Variants in ADGRL2 observed in about 807,000 individuals in gnomAD.
ADGRL2 encodes the protein calcium-independent alpha-latrotoxin receptor 2.
Under a neutral mutation model 157.4 loss-of-function variants are expected in ADGRL2, and 44 were observed. That is an observed-to-expected ratio of 0.28 (90% CI 0.22 to 0.36). The LOEUF (loss-of-function observed/expected upper bound fraction) is 0.36, where lower values mean the gene tolerates loss of function less well. Ranked by LOEUF, ADGRL2 falls within the 10% of genes least tolerant of loss-of-function variation. The pLI is 1.00. For missense variants in ADGRL2, 1,510 were observed against 1,768.9 expected, an observed-to-expected ratio of 0.85 and a Z score of 2.63; for synonymous variants, 585 against 624.7, an observed-to-expected ratio of 0.94 and a Z score of 0.95.
At chr1:81,899,892 CTAG>C (rs1261147269) in intron 2 of ADGRL2, among the ~76,000 whole-genome samples, 2 of 152,144 alleles carry the variant, frequency 1.3e-5, no homozygotes, top group Non-Finnish European at 2.9e-5. Flanking sequence ...TTCCCCAAGA[CTAG>C]TAGCAGCCAG....
chr1:81,402,917 T>C (rs758692550), intron 1 of ADGRL2, among the ~76,000 whole-genome samples: 1 of 152,228 alleles, frequency 6.6e-6, no homozygotes, highest in Non-Finnish European at 1.5e-5. Context: ...CTGAACACCA[T>C]GCTAGGTGCC....
chr1:81,952,933 AT>A, intron 9 of ADGRL2, 53 bp from the exon 10 acceptor site: 2 of 1,400,546 alleles, frequency 1.4e-6, no homozygotes, highest in South Asian at 1.2e-5. Context: ...TTCTTTCCTC[AT>A]TTTCAGCAGA....
At position 81,947,139 on chromosome 1, in the gene ADGRL2, G is replaced by A. The variant is rs145983489; in HGVS notation, c.1211-3050G>A. ...TGCATGAGTGCATGATACGGCATCC[G>A]GATAAATAGAGCTCTATAAAAAAGG... is the stretch of plus-strand genomic sequence containing the variant. On this transcript the variant is annotated intron_variant, in intron 6 of 23. Coordinates refer to ENST00000686636, the MANE Select transcript of ADGRL2 (RefSeq NM_001366006.2). Among the ~76,000 whole-genome samples the A allele has an allele frequency of 8.5e-4, 129 of 152,110 alleles. 2 individuals carry two copies. The highest frequency in any genetic ancestry group is 3.0e-3 in the African/African-American group (123 of 41,494).
chr1:81,808,890 G>A lies in ADGRL2; in HGVS notation c.-101+7822G>A, dbSNP rs549763358. On this transcript the variant is annotated intron_variant, in intron 1 of 23. Transcript: ENST00000686636. ...AGCACAACCGCTACTCAAAGCCACC[G>A]GCTGTTTTTAGGTCATGAAGTCAAC... Among the ~76,000 whole-genome samples the A allele has an allele frequency of 3.9e-5, 6 of 152,126 alleles. No homozygotes were observed. The South Asian group carries it at 8.3e-4, about 21-fold the overall frequency.
At chr1:81,830,325 T>C (rs896825000) in intron 1 of ADGRL2, among the ~76,000 whole-genome samples, 1 of 152,132 alleles carries the variant, frequency 6.6e-6, no homozygotes, top group Non-Finnish European at 1.5e-5. Flanking sequence ...TACATGAAAG[T>C]ATAGTGCTAA....
intron 3 of ADGRL2, among the ~76,000 whole-genome samples, chr1:81,656,111 T>C (rs142709577): frequency 4.1e-4 from 62 of 152,324 alleles, no homozygotes; most frequent in Middle Eastern, 3.4e-3. Flanking sequence ...TATCTCCCAC[T>C]AGATCTCTAA....
At chr1:81,720,184 CTTTT>C (rs112579932) in intron 1 of ADGRL2, among the ~76,000 whole-genome samples, 1 of 122,044 alleles carries the variant, frequency 8.2e-6, no homozygotes. Flanking sequence ...TTTTTCTTTT[CTTTT>C]TTTTTTTTTT....
At chr1:81,945,577 T>G (rs1195929831) in intron 6 of ADGRL2, among the ~76,000 whole-genome samples, 1 of 152,126 alleles carries the variant, frequency 6.6e-6, no homozygotes, top group Non-Finnish European at 1.5e-5. Flanking sequence ...GTTAGTAATG[T>G]CATCCTCCAC....
chr1:81,842,353 C>CTTTTTTT (rs71085377), intron 2 of ADGRL2, among the ~76,000 whole-genome samples: 5 of 54,958 alleles, frequency 9.1e-5, no homozygotes, highest in Non-Finnish European at 1.2e-4. Context: ...TCTTTTAGCG[C>CTTTTTTT]TTTTTTTTTT....
At chr1:81,850,612 C>G (rs1378207628) in intron 2 of ADGRL2, among the ~76,000 whole-genome samples, 2 of 151,720 alleles carry the variant, frequency 1.3e-5, no homozygotes, top group East Asian at 3.9e-4. Context: ...CCTTTTTGTT[C>G]TTTAGTATAC....
intron 2 of ADGRL2, among the ~76,000 whole-genome samples, chr1:81,450,832 A>T (rs1056027058): frequency 1.3e-5 from 2 of 152,138 alleles, no homozygotes; most frequent in Non-Finnish European, 2.9e-5. Context: ...GGAAAGCTAT[A>T]GTGTTAATAA....
chr1:81,553,792 C>T (rs2080208159), intron 2 of ADGRL2, among the ~76,000 whole-genome samples: 1 of 152,186 alleles, frequency 6.6e-6, no homozygotes. Context: ...CCTCAAAGTT[C>T]AGTAACTTGC....
intron 2 of ADGRL2, among the ~76,000 whole-genome samples, chr1:81,522,807 G>A (rs2079353983): frequency 6.6e-6 from 1 of 151,974 alleles, no homozygotes; most frequent in South Asian, 2.1e-4. Flanking sequence ...TGATTGTTTT[G>A]TATTCATTAT....
At chr1:81,503,056 C>T in intron 2 of ADGRL2, 1 of 1,610,296 alleles carries the variant, frequency 6.2e-7, no homozygotes, top group Non-Finnish European at 8.5e-7. Context: ...ACTGGAGCAG[C>T]TGCGGGAGCG....
intron 1 of ADGRL2, among the ~76,000 whole-genome samples, chr1:81,388,272 A>C (rs1381357567): frequency 6.6e-6 from 1 of 152,128 alleles, no homozygotes; most frequent in Non-Finnish European, 1.5e-5. Context: ...CTTGAGGCCT[A>C]GCATGGAAGT....
chr1:81,430,989 T>G (rs986435481), intron 1 of ADGRL2, among the ~76,000 whole-genome samples: 2 of 152,180 alleles, frequency 1.3e-5, no homozygotes, highest in African/African-American at 2.4e-5. Flanking sequence ...TTATTTTACT[T>G]TAACATAAAA....
At chr1:81,517,415 A>C (rs918489871) in intron 2 of ADGRL2, among the ~76,000 whole-genome samples, 4 of 142,486 alleles carry the variant, frequency 2.8e-5, no homozygotes, top group Non-Finnish European at 4.5e-5. Context: ...CAGTGAGCGG[A>C]GATCATGCCA....
At chr1:81,965,997 C>T (rs1381632786) in intron 11 of ADGRL2, 61 bp from the exon 12 acceptor site, 1 of 1,539,602 alleles carries the variant, frequency 6.5e-7, no homozygotes, top group Non-Finnish European at 8.9e-7. Context: ...TCATTTGCCT[C>T]CTTAGTTAAC....
chr1:81,569,293 T>C (rs1422894100), intron 2 of ADGRL2, among the ~76,000 whole-genome samples: 1 of 152,164 alleles, frequency 6.6e-6, no homozygotes, highest in Non-Finnish European at 1.5e-5. Context: ...AGTTACATGA[T>C]AAATTAATAT....
Sources: gnomAD v4.1 joint callset for allele counts (sites outside exome capture counted in the v4.1 genomes callset) on GRCh38, gnomAD v4.1.1 for gene constraint, MANE v1.5 for transcripts, NCBI Gene and HGNC (gene_info 2026-07-23, HGNC 2026-07-21) for gene names.